MAN1C1: variants seen among roughly 807,000 people sequenced by gnomAD.
The protein encoded by MAN1C1 is mannosyl-oligosaccharide 1,2-alpha-mannosidase IC.
A neutral mutation model predicts 71.5 loss-of-function variants in MAN1C1; 49 were observed. That is an observed-to-expected ratio of 0.69 (90% CI 0.54 to 0.87). The LOEUF (loss-of-function observed/expected upper bound fraction) is 0.87, where lower values mean the gene tolerates loss of function less well. Ranked by LOEUF, MAN1C1 falls within the 40% of genes least tolerant of loss-of-function variation. The pLI is 0.00. For synonymous variants in MAN1C1, 352 were observed against 343.7 expected, an observed-to-expected ratio of 1.02 and a Z score of -0.27; for missense variants, 743 against 835.0, an observed-to-expected ratio of 0.89 and a Z score of 1.36.
At chr1:25,700,302 T>G (rs1005248796) in intron 2 of MAN1C1, among the ~76,000 whole-genome samples, 2 of 152,216 alleles carry the variant, frequency 1.3e-5, no homozygotes, top group Admixed American at 1.3e-4. Context: ...GCTCCCTGCC[T>G]TCCTTCTAGC....
intron 11 of MAN1C1, 68 bp from the exon 12 acceptor site, chr1:25,783,595 A>T (rs2047726892): frequency 3.8e-6 from 6 of 1,569,094 alleles, no homozygotes; most frequent in Middle Eastern, 3.3e-4. Flanking sequence ...ACTTGTTCCC[A>T]GGCCCACCCT....
At position 25,634,832 on chromosome 1, in the gene MAN1C1, T is replaced by TAATAA. The variant is rs1017447904; in HGVS notation, c.540+16508_540+16512dup. Among the ~76,000 whole-genome samples, 2 of 151,770 alleles carry TAATAA rather than the reference T, an allele frequency of 1.3e-5. No homozygotes were observed. Among genetic ancestry groups the TAATAA allele is most frequent in the Non-Finnish European group, 2.9e-5 (2 of 67,952 alleles). ...GAGACTCTGTCTCAAAAAAAAATAATAATAAAATAAAATAAAAGAATGCTA... is the reference window on the plus strand; with the variant it reads ...GAGACTCTGTCTCAAAAAAAAATAATAATAAAATAAAATAAAATAAAAGAATGCTA... On this transcript the variant is annotated intron_variant, in intron 1 of 11. Transcript: ENST00000374332. This position sits in a 1 kb window ranked among gnomAD's most constrained non-coding sequence, Gnocchi z 4.6.
chr1:25,763,992 C>A, intron 7 of MAN1C1, 25 bp downstream of exon 7: 1 of 1,589,324 alleles, frequency 6.3e-7, no homozygotes, highest in Non-Finnish European at 8.6e-7. Context: ...GCCACTGCCC[C>A]TTATTCAGCG....
chr1:25,726,213 G>A (rs913016402), intron 2 of MAN1C1, among the ~76,000 whole-genome samples: 1 of 152,198 alleles, frequency 6.6e-6, no homozygotes, highest in Non-Finnish European at 1.5e-5. Flanking sequence ...GAGGTTATCT[G>A]ACCAGGTGGC....
At chr1:25,712,995 G>C (rs2046634197) in intron 2 of MAN1C1, among the ~76,000 whole-genome samples, 1 of 152,228 alleles carries the variant, frequency 6.6e-6, no homozygotes, top group Non-Finnish European at 1.5e-5. Context: ...GATCATCTAT[G>C]CAGTTGTCCA....
chr1:25,646,733 G>A (rs1443949602), intron 1 of MAN1C1, among the ~76,000 whole-genome samples: 7 of 152,240 alleles, frequency 4.6e-5, no homozygotes, highest in Admixed American at 4.6e-4. Context: ...AGTTCACTGT[G>A]TTGTAGTGTG....
chr1:25,704,489 C>A (rs532154157), intron 2 of MAN1C1, among the ~76,000 whole-genome samples: 2 of 152,228 alleles, frequency 1.3e-5, no homozygotes, highest in Non-Finnish European at 2.9e-5. Flanking sequence ...CACTTGGCAG[C>A]GTGGCTTTGG....
At position 25,669,604 on chromosome 1, in the gene MAN1C1, T is replaced by G. The variant is rs7528366; in HGVS notation, c.541-16836T>G. Among the ~76,000 whole-genome samples, 4 of 151,496 alleles carry G rather than the reference T, an allele frequency of 2.6e-5. No homozygotes were observed. In the South Asian group the frequency reaches 8.4e-4, roughly 32 times the overall value. ...CAACGTATCGAGACCCTATCTTTTT[T>G]AAAAAAAAATTGTAAAAATCAGCCA... is the stretch of plus-strand genomic sequence containing the variant. On this transcript the variant is annotated intron_variant, in intron 1 of 11. Transcript: ENST00000374332.
At chr1:25,659,221 G>A (rs1185760048) in intron 1 of MAN1C1, 1 of 152,258 alleles carries the variant, frequency 6.6e-6, no homozygotes, top group Non-Finnish European at 1.5e-5. Flanking sequence ...TTTGGTTCTA[G>A]GTGGCTTGTC....
At position 25,749,202 on chromosome 1, in the gene MAN1C1, G is replaced by A. The variant is rs2047178332; in HGVS notation, c.754-53G>A. The A allele has an allele frequency of 6.1e-6, 9 of 1,484,118 alleles. No individual in the cohort carries two copies. The South Asian group carries it at 9.6e-5, about 16-fold the overall frequency. 91.9% of individuals were successfully genotyped at this position (1,484,118 alleles called of 1,614,324 possible). Reference sequence around the variant, plus strand: ...GTGGCCAGGGTGACCTGTCTCAAGGGCCTGCATCTTACAAGTGTCCCCACT... The same window carrying A: ...GTGGCCAGGGTGACCTGTCTCAAGGACCTGCATCTTACAAGTGTCCCCACT... On this transcript the variant is annotated intron_variant, in intron 3 of 11. Coordinates refer to ENST00000374332, the MANE Select transcript of MAN1C1 (RefSeq NM_020379.4).
chr1:25,664,311 A>G (rs1192079363), intron 1 of MAN1C1, among the ~76,000 whole-genome samples: 2 of 151,922 alleles, frequency 1.3e-5, no homozygotes, highest in African/African-American at 4.8e-5. Flanking sequence ...GCATTTGGCA[A>G]TGCTGATTTT....
intron 1 of MAN1C1, among the ~76,000 whole-genome samples, chr1:25,678,449 C>T (rs1405478091): frequency 6.6e-6 from 1 of 152,164 alleles, no homozygotes; most frequent in Non-Finnish European, 1.5e-5. Flanking sequence ...AACTACTTTA[C>T]CGTATTGTCT....
chr1:25,644,159 G>C (rs2045577155), intron 1 of MAN1C1, among the ~76,000 whole-genome samples: 2 of 152,278 alleles, frequency 1.3e-5, no homozygotes, highest in South Asian at 4.2e-4. Flanking sequence ...GTCACCTGAA[G>C]ATGACGTGAG....
intron 8 of MAN1C1, among the ~76,000 whole-genome samples, chr1:25,772,841 G>A (rs2047572872): frequency 6.6e-6 from 1 of 152,066 alleles, no homozygotes; most frequent in Admixed American, 6.6e-5. Context: ...CTGGGCCCTG[G>A]GCACCAGTCT....
intron 1 of MAN1C1, among the ~76,000 whole-genome samples, chr1:25,662,607 G>A (rs910230102): frequency 6.6e-6 from 1 of 152,068 alleles, no homozygotes; most frequent in South Asian, 2.1e-4. Context: ...AAGCCCATCC[G>A]TAAACTCCAA....
At chr1:25,683,590 G>C in intron 1 of MAN1C1, among the ~76,000 whole-genome samples, 1 of 152,108 alleles carries the variant, frequency 6.6e-6, no homozygotes, top group East Asian at 1.9e-4. Flanking sequence ...CAGACTGGGA[G>C]GAAGGTCTCC....
intron 2 of MAN1C1, among the ~76,000 whole-genome samples, chr1:25,729,751 C>A: frequency 6.6e-6 from 1 of 152,104 alleles, no homozygotes; most frequent in East Asian, 1.9e-4. Flanking sequence ...ACCTCATGAT[C>A]TGCCCACCTC....
intron 1 of MAN1C1, among the ~76,000 whole-genome samples, chr1:25,675,175 C>T (rs2046046785): frequency 6.6e-6 from 1 of 152,068 alleles, no homozygotes; most frequent in South Asian, 2.1e-4. Context: ...TTTTCGTGCA[C>T]CTGTCACCTG....
At chr1:25,690,583 G>A (rs954175754) in intron 2 of MAN1C1, among the ~76,000 whole-genome samples, 3 of 152,210 alleles carry the variant, frequency 2.0e-5, no homozygotes, top group Admixed American at 2.0e-4. Flanking sequence ...GAGCCACTGC[G>A]CCCGGCGCAT....
Sources: gnomAD v4.1 joint callset for allele counts (sites outside exome capture counted in the v4.1 genomes callset) on GRCh38, gnomAD v4.1.1 for gene constraint, Gnocchi (gnomAD v3.1) non-coding constraint, MANE v1.5 for transcripts, NCBI Gene and HGNC (gene_info 2026-07-23, HGNC 2026-07-21) for gene names.